The following GRM7 variants were observed in gnomAD, a reference collection of about 807,000 sequenced individuals.
GRM7 encodes glutamate metabotropic receptor 7.
GRM7 carries 35 observed loss-of-function variants against 84.5 expected under a neutral mutation model. The observed-to-expected ratio is 0.41, with a 90% confidence interval of 0.32 to 0.55. The LOEUF (loss-of-function observed/expected upper bound fraction) is 0.55. GRM7 is among the 20% of genes least tolerant of loss of function. GRM7 has a pLI of 0.19. For missense variants in GRM7, 1,003 were observed against 1,194.6 expected, an observed-to-expected ratio of 0.84 and a Z score of 2.36; for synonymous variants, 487 against 455.1, an observed-to-expected ratio of 1.07 and a Z score of -0.89.
At chr3:7,021,662 TG>T (rs1162383028) in intron 1 of GRM7, among the ~76,000 whole-genome samples, 31 of 152,198 alleles carry the variant, frequency 2.0e-4, no homozygotes, top group African/African-American at 6.0e-4. Flanking sequence ...AGTTTTTAAT[TG>T]TATAGTATTC....
At chr3:7,645,631 T>C (rs1349918649) in intron 8 of GRM7, among the ~76,000 whole-genome samples, 4 of 149,624 alleles carry the variant, frequency 2.7e-5, no homozygotes, top group Non-Finnish European at 5.9e-5. Flanking sequence ...ATTGACAAGC[T>C]AATCTCTATG....
At chr3:7,441,251 T>C (rs1410209490) in intron 5 of GRM7, among the ~76,000 whole-genome samples, 1 of 152,158 alleles carries the variant, frequency 6.6e-6, no homozygotes, top group Non-Finnish European at 1.5e-5. Flanking sequence ...ATGTTGAGCA[T>C]TTTTTTCATG....
intron 2 of GRM7, among the ~76,000 whole-genome samples, chr3:7,238,524 A>T (rs937412047): frequency 2.0e-5 from 3 of 151,856 alleles, no homozygotes; most frequent in African/African-American, 7.3e-5. Context: ...TGCCACTAAC[A>T]TGTACACTCC....
At chr3:7,633,458 C>G (rs1324358657) in intron 8 of GRM7, among the ~76,000 whole-genome samples, 1 of 151,902 alleles carries the variant, frequency 6.6e-6, no homozygotes, top group Non-Finnish European at 1.5e-5. Context: ...TACACTGCCG[C>G]AAAAGAGGAA....
At chr3:7,352,851 G>A (rs1403689583) in intron 4 of GRM7, among the ~76,000 whole-genome samples, 2 of 151,950 alleles carry the variant, frequency 1.3e-5, no homozygotes, top group African/African-American at 2.4e-5. Context: ...GCTTTATCAG[G>A]GTCCTCCAAC....
intron 1 of GRM7, among the ~76,000 whole-genome samples, chr3:7,085,044 CAT>C (rs1463007315): frequency 8.5e-5 from 13 of 152,050 alleles, no homozygotes; most frequent in Non-Finnish European, 1.9e-4. Context: ...GGTAGTATTC[CAT>C]ATCTGATTTA....
intron 1 of GRM7, among the ~76,000 whole-genome samples, chr3:7,067,245 A>T (rs952629050): frequency 2.6e-5 from 4 of 151,946 alleles, no homozygotes; most frequent in Non-Finnish European, 5.9e-5. Flanking sequence ...CTGTTTGCTG[A>T]TGATATGATC....
At chr3:6,996,216 A>G (rs976512439) in intron 1 of GRM7, among the ~76,000 whole-genome samples, 12 of 151,880 alleles carry the variant, frequency 7.9e-5, no homozygotes, top group African/African-American at 1.2e-4. Context: ...GCCTGGCTCA[A>G]TTTTTGTATT....
intron 7 of GRM7, among the ~76,000 whole-genome samples, chr3:7,501,920 G>A (rs1699896089): frequency 6.6e-6 from 1 of 152,144 alleles, no homozygotes; most frequent in Non-Finnish European, 1.5e-5. Context: ...TATAAAACCT[G>A]CAGTTGAGTT....
chr3:6,950,174 A>G (rs1369973202), intron 1 of GRM7, among the ~76,000 whole-genome samples: 5 of 151,914 alleles, frequency 3.3e-5, no homozygotes, highest in East Asian at 1.9e-4. Context: ...TTTTTTCCCC[A>G]TCTTTGTGGT....
intron 7 of GRM7, among the ~76,000 whole-genome samples, chr3:7,514,125 G>C (rs1022833683): frequency 6.6e-6 from 1 of 152,114 alleles, no homozygotes; most frequent in East Asian, 1.9e-4. Flanking sequence ...GAAAAAACCC[G>C]GCATGTAGTT....
In GRM7 at chr3:7,306,558, A is replaced by G. The variant is rs1237649780; in HGVS notation, c.939A>G (p.Ser313=). 5 of 1,613,844 alleles carry G rather than the reference A, an allele frequency of 3.1e-6. No individual in the cohort carries two copies. The Middle Eastern group carries it at 5.0e-4, about 160-fold the overall frequency. The change falls in exon 4 of 10, where the codon TCA becomes TCG. Residue 313 remains serine (S), a synonymous_variant. Coordinates refer to ENST00000357716, the MANE Select transcript of GRM7 (RefSeq NM_000844.4). ...TTGGCCATTTTCTTTGGGTGGGATC[A>G]GACAGCTGGGGATCCAAAATAAACC... is the stretch of plus-strand genomic sequence containing the variant. ...DQVGHFLWVG[S]DSWGSKINPL...
intron 2 of GRM7, among the ~76,000 whole-genome samples, chr3:7,164,791 A>G (rs1285383708): frequency 6.6e-6 from 1 of 152,212 alleles, no homozygotes; most frequent in Non-Finnish European, 1.5e-5. Context: ...TGCATTTGGG[A>G]TGAATAAATT....
Position 7,602,080 on chromosome 3 carries a change from CAAAAA to C in GRM7, c.2451+22740_2451+22744del, listed in dbSNP as rs562646639. Among the ~76,000 whole-genome samples, 332 of 93,764 alleles carry C rather than the reference CAAAAA, an allele frequency of 3.5e-3. 1 individual carries two copies. The highest frequency in any genetic ancestry group is 0.011 in the African/African-American group (275 of 24,236). The allele number at this position is 93,764 out of a possible 152,430, so 61.5% of individuals were successfully genotyped here. A position where few individuals can be genotyped will look rare whatever the true frequency, so the allele number is the denominator to read the frequency against. ...CACCAGGGAACGCATATTACCAGGA[CAAAAA>C]AAAAAAAAAAAAAAAAGGCATTCTG... On this transcript the variant is annotated intron_variant, in intron 8 of 9. Transcript: ENST00000357716.
chr3:6,894,360 A>G (rs1431877754), intron 1 of GRM7, among the ~76,000 whole-genome samples: 5 of 152,180 alleles, frequency 3.3e-5, no homozygotes. Flanking sequence ...ATATTATCAA[A>G]TGTACTGCAA....
intron 1 of GRM7, among the ~76,000 whole-genome samples, chr3:6,937,090 T>A (rs748823127): frequency 1.3e-5 from 2 of 152,212 alleles, no homozygotes; most frequent in Non-Finnish European, 2.9e-5. Flanking sequence ...AAAGTCACGG[T>A]ATTTATTCTC....
At chr3:7,430,368 A>G (rs1351426515) in intron 5 of GRM7, among the ~76,000 whole-genome samples, 1 of 152,222 alleles carries the variant, frequency 6.6e-6, no homozygotes, top group Admixed American at 6.5e-5. Flanking sequence ...GCCAGTAGGC[A>G]TACAAGAAAA....
intron 4 of GRM7, among the ~76,000 whole-genome samples, chr3:7,402,403 C>A (rs1695490967): frequency 6.6e-6 from 1 of 152,164 alleles, no homozygotes; most frequent in South Asian, 2.1e-4. Flanking sequence ...TGCAATGTCT[C>A]CCTCTCAGGA....
chr3:6,928,994 GA>G lies in GRM7; in HGVS notation c.519+67088del, dbSNP rs1559334287. Among the ~76,000 whole-genome samples the G allele has an allele frequency of 6.6e-6, 1 of 152,132 alleles. No homozygotes were observed. Among genetic ancestry groups the G allele is most frequent in the African/African-American group, 2.4e-5 (1 of 41,434 alleles). On this transcript the variant is annotated intron_variant, in intron 1 of 9. Coordinates refer to ENST00000357716, the MANE Select transcript of GRM7 (RefSeq NM_000844.4). This position sits in a 1 kb window ranked among gnomAD's most constrained non-coding sequence, Gnocchi z 4.5. ...ACTTGGCTTCTGTAAGCAAATGAGA[GA>G]GCTGAACATTCCACCCACGACCTGC...
Sources: gnomAD v4.1 joint callset for allele counts (sites outside exome capture counted in the v4.1 genomes callset) on GRCh38, gnomAD v4.1.1 for gene constraint, Gnocchi (gnomAD v3.1) non-coding constraint, MANE v1.5 for transcripts, NCBI Gene and HGNC (gene_info 2026-07-23, HGNC 2026-07-21) for gene names.